The following SHOX variants were observed in gnomAD, a reference collection of about 807,000 sequenced individuals.
SHOX encodes the protein SHOX homeobox.
Under a neutral mutation model 29.6 loss-of-function variants are expected in SHOX, and 12 were observed. The observed-to-expected ratio is 0.41, with a 90% CI of 0.26 to 0.66. The LOEUF is 0.66. Ranked by LOEUF, SHOX falls within the 30% of genes least tolerant of loss-of-function variation. SHOX has a pLI of 0.35. For synonymous variants in SHOX, 214 were observed against 200.6 expected (o/e 1.07, Z -0.57); for missense variants, 499 against 437.7 (o/e 1.14, Z -1.25).
chrX:639,086 G>A (rs2052805256), intron 2 of SHOX, among the ~76,000 whole-genome samples: 1 of 152,210 alleles, frequency 6.6e-6, no homozygotes, highest in Non-Finnish European at 1.5e-5. Context: ...GTCAATACTG[G>A]GAGAGCAGAG....
chrX:638,585 G>A (rs906860015), intron 2 of SHOX, among the ~76,000 whole-genome samples: 1 of 152,204 alleles, frequency 6.6e-6, no homozygotes, highest in African/African-American at 2.4e-5. Context: ...TTCTCCAGGC[G>A]CACTGCAGCC....
Position 644,486 on chromosome X carries a change from G to A in SHOX, c.729G>A (p.Pro243=). 6.6e-7 allele frequency: 1 copy of A among 1,522,888 alleles called. No homozygotes were observed. Among genetic ancestry groups the A allele is most frequent in the East Asian group, 2.5e-5 (1 of 39,298 alleles). 94.3% of individuals were successfully genotyped at this position (1,522,888 alleles called of 1,614,324 possible). ...ACGCGCCCTACCTGATGTTCCCCCC[G>A]CCGCCCTTCGGGCTGCCCATCGCGT... is the stretch of plus-strand genomic sequence containing the variant. ...AAHAPYLMFP[P]PPFGLPIASL... The change falls in exon 5 of 5, where the codon CCG becomes CCA. Residue 243 remains proline, a synonymous_variant. Coordinates refer to ENST00000686671, the MANE Select transcript of SHOX (RefSeq NM_000451.4).
Position 651,508 on chromosome X carries a change from T to A in SHOX, c.*6872T>A. ...TCAATGTTGAGTTGCAGCAACAGAC[T>A]GTATTTTTGTGACGCCCCGTAGTAT... On this transcript the variant is annotated 3_prime_UTR_variant, in exon 5 of 5. Coordinates refer to ENST00000686671, the MANE Select transcript of SHOX (RefSeq NM_000451.4). 4.8e-6 allele frequency: 2 copies of A among 415,110 alleles called. No individual in the cohort carries two copies. Among genetic ancestry groups the A allele is most frequent in the Non-Finnish European group, 9.5e-6 (2 of 209,580 alleles). The allele number at this position is 415,110 out of a possible 1,614,324, so 25.7% of individuals were successfully genotyped here. A position where few individuals can be genotyped will look rare whatever the true frequency, so the allele number is the denominator to read the frequency against.
rs906556733 is a variant in SHOX at position 649,270 on chromosome X, C to T, written c.*4634C>T. ...GCCAGGCTGGTCTTGAACTCCTGAC[C>T]TCACATGATCCACCCGCCTCAGCCT... On this transcript the variant is annotated 3_prime_UTR_variant, in exon 5 of 5. Coordinates refer to ENST00000686671, the MANE Select transcript of SHOX (RefSeq NM_000451.4). 6.6e-6 allele frequency among the ~76,000 whole-genome samples: 1 copy of T among 152,030 alleles called. No homozygotes were observed. Among genetic ancestry groups the T allele is most frequent in the Admixed American group, 6.6e-5 (1 of 15,236 alleles).
At chrX:642,913 A>T (rs2052882458) in intron 4 of SHOX, among the ~76,000 whole-genome samples, 1 of 144,574 alleles carries the variant, frequency 6.9e-6, no homozygotes, top group Non-Finnish European at 1.5e-5. Context: ...GTCCCTGGAG[A>T]GGCTTGGGGA....
In SHOX at chrX:651,115, T is replaced by TC. The variant is rs1556473503; in HGVS notation, c.*6481dup. On this transcript the variant is annotated 3_prime_UTR_variant, in exon 5 of 5. Transcript: ENST00000686671. ...TGTGCATTTGTTATTTATTTTTTTT[T>TC]CCTTGGTCGGACGTTCATAAATATG... is the stretch of plus-strand genomic sequence containing the variant. 22 of 348,612 alleles carry TC rather than the reference T, an allele frequency of 6.3e-5. No homozygotes were observed. The highest frequency in any genetic ancestry group is 4.7e-4 in the Admixed American group (12 of 25,538). 21.6% of individuals were successfully genotyped at this position (348,612 alleles called of 1,614,324 possible). A position where few individuals can be genotyped will look rare whatever the true frequency, so the allele number is the denominator to read the frequency against.
At chrX:654,366 T>A (rs1319540093), downstream of SHOX, among the ~76,000 whole-genome samples, 1 of 151,760 alleles carries the variant, frequency 6.6e-6, no homozygotes, top group African/African-American at 2.4e-5. Flanking sequence ...TAAAAAAAAA[T>A]TCACCAATCA....
In SHOX at chrX:631,093, T is replaced by A. The variant is rs1443010174; in HGVS notation, c.196T>A (p.Cys66Ser). Residue 66 changes from cysteine to serine, a missense_variant, in exon 1 of 5, where the codon TGC (cysteine) becomes AGC (serine). Physicochemically the swap from Cys to Ser is moderately radical, Grantham distance 112 (BLOSUM62 -1). Coordinates refer to ENST00000686671, the MANE Select transcript of SHOX (RefSeq NM_000451.4). ...LQDITEGGGH[C>S]PVHLFKDHVD... ...GGACATCACGGAGGGCGGCGGCCAC[T>A]GCCCGGTGCATTTGTTCAAGGACCA... The A allele has an allele frequency of 1.2e-6, 2 of 1,613,734 alleles. No homozygotes were observed. The highest frequency in any genetic ancestry group is 2.2e-5 in the East Asian group (1 of 44,862).
In SHOX at chrX:644,745, C is replaced by G; in HGVS notation, c.*109C>G. 1 of 1,315,746 alleles carries G rather than the reference C, an allele frequency of 7.6e-7. No individual in the cohort carries two copies. The highest frequency in any genetic ancestry group is 9.7e-7 in the Non-Finnish European group (1 of 1,030,936). The allele number at this position is 1,315,746 out of a possible 1,614,324, so 81.5% of individuals were successfully genotyped here. On this transcript the variant is annotated 3_prime_UTR_variant, in exon 5 of 5. Coordinates refer to ENST00000686671, the MANE Select transcript of SHOX (RefSeq NM_000451.4). Reference sequence around the variant, plus strand: ...TGGAGCTCCTTCCGCGGCCACCGTGCTCCGGGCACCCCGGGAGCTCCTGCA... The same window carrying G: ...TGGAGCTCCTTCCGCGGCCACCGTGGTCCGGGCACCCCGGGAGCTCCTGCA...
chrX:653,209 C>T (rs1405999138), downstream of SHOX, among the ~76,000 whole-genome samples: 5 of 152,102 alleles, frequency 3.3e-5, no homozygotes. Context: ...CCATTGCACT[C>T]CAGCCTGGGC....
Position 644,760 on chromosome X carries a change from G to C in SHOX, c.*124G>C, listed in dbSNP as rs1364063230. 31 of 1,288,166 alleles carry C rather than the reference G, an allele frequency of 2.4e-5. No homozygotes were observed. Among genetic ancestry groups the C allele is most frequent in the Non-Finnish European group, 3.1e-5 (31 of 1,006,618 alleles). The allele number at this position is 1,288,166 out of a possible 1,614,324, so 79.8% of individuals were successfully genotyped here. ...GGCCACCGTGCTCCGGGCACCCCGG[G>C]AGCTCCTGCAAGAGGCCTGAGGAGG... On this transcript the variant is annotated 3_prime_UTR_variant, in exon 5 of 5. Coordinates refer to ENST00000686671, the MANE Select transcript of SHOX (RefSeq NM_000451.4).
intron 1 of SHOX, among the ~76,000 whole-genome samples, chrX:631,681 A>G (rs913797206): frequency 6.6e-5 from 10 of 152,076 alleles, no homozygotes; most frequent in South Asian, 2.1e-4. Flanking sequence ...ACAGGCATGC[A>G]CCACCACGCC....
At chrX:643,560 G>GGGAGAGGCTTGGGGACCTGGTGTCCCT (rs2052904015) in intron 4 of SHOX, among the ~76,000 whole-genome samples, 1 of 137,038 alleles carries the variant, frequency 7.3e-6, no homozygotes. Context: ...CTAGTGACCC[G>GGGAGAGGCTTGGGGACCTGGTGTCCCT]GGAGAGGCTT....
Position 650,696 on chromosome X carries a change from C to T in SHOX, c.*6060C>T, listed in dbSNP as rs2053041075. Among the ~76,000 whole-genome samples the T allele has an allele frequency of 6.8e-6, 1 of 147,988 alleles. No individual in the cohort carries two copies. The highest frequency in any genetic ancestry group is 1.5e-5 in the Non-Finnish European group (1 of 67,324). On this transcript the variant is annotated 3_prime_UTR_variant, in exon 5 of 5. Coordinates refer to ENST00000686671, the MANE Select transcript of SHOX (RefSeq NM_000451.4). ...TGGCACACGGCAGCCACTCCCACGA[C>T]ACACATTTCGGAGGCACTTTGCTGG...
At chrX:634,326 T>TA (rs112941832) in intron 1 of SHOX, among the ~76,000 whole-genome samples, 45,055 of 147,960 alleles carry the variant, frequency 0.3, 7,738 homozygotes, top group Middle Eastern at 0.45. Flanking sequence ...CCACTCTCCT[T>TA]AAAAAAAAAA....
intron 4 of SHOX, among the ~76,000 whole-genome samples, chrX:642,140 G>C (rs1272629994): frequency 2.0e-5 from 3 of 152,224 alleles, no homozygotes; most frequent in African/African-American, 7.2e-5. Flanking sequence ...GGGGGGAAGC[G>C]GGGAGCTGCG....
chrX:624,862 T>TTTTCTTTCTTTTCTTTCTTTCTTTC (rs1194295441), intron 1 of SHOX, among the ~76,000 whole-genome samples: 1 of 76,810 alleles, frequency 1.3e-5, no homozygotes, highest in Non-Finnish European at 2.7e-5. Flanking sequence ...TCTTTCTTTC[T>TTTTCTTTCTTTTCTTTCTTTCTTTC]TTTCTTTCTT....
upstream of SHOX, among the ~76,000 whole-genome samples, chrX:628,641 C>T (rs1399630997): frequency 4.2e-5 from 1 of 23,560 alleles, no homozygotes; most frequent in African/African-American, 3.0e-4. Context: ...TTCTCTCTCT[C>T]CATCTCTCTC....
rs1468122301 is a variant in SHOX, at chrX:651,035, C to T, written c.*6399C>T. Among the ~76,000 whole-genome samples the T allele has an allele frequency of 2.6e-5, 4 of 151,964 alleles. No individual in the cohort carries two copies. Among genetic ancestry groups the T allele is most frequent in the Admixed American group, 6.6e-5 (1 of 15,250 alleles). On this transcript the variant is annotated 3_prime_UTR_variant, in exon 5 of 5. Coordinates refer to ENST00000686671, the MANE Select transcript of SHOX (RefSeq NM_000451.4). ...GGCTTCACGAGTTCAGCCCATTGTA[C>T]GTGCAGGTCCCGTGGGAAGGAGGCA...
Sources: gnomAD v4.1 joint callset for allele counts (sites outside exome capture counted in the v4.1 genomes callset) on GRCh38, gnomAD v4.1.1 for gene constraint, MANE v1.5 for transcripts, NCBI Gene and HGNC (gene_info 2026-07-23, HGNC 2026-07-21) for gene names.